Variants in EDN3 observed in about 807,000 individuals in gnomAD.
EDN3 encodes endothelin-3.
A neutral mutation model predicts 21.4 loss-of-function variants in EDN3; 9 were observed. The ratio of observed to expected loss-of-function variants is 0.42; its 90% CI spans 0.25 to 0.73. The LOEUF (loss-of-function observed/expected upper bound fraction) is 0.73. EDN3 is among the 30% of genes least tolerant of loss of function. The pLI is 0.26. For missense variants in EDN3, 327 were observed against 309.4 expected (o/e 1.06, Z -0.43); for synonymous variants, 133 against 126.2 (o/e 1.05, Z -0.36).
chr20:59,317,238 A>G (rs1351394119), intron 2 of EDN3, among the ~76,000 whole-genome samples: 2 of 152,216 alleles, frequency 1.3e-5, no homozygotes, highest in African/African-American at 4.8e-5. Context: ...TGAGCTGGTA[A>G]TCTGGCGTCA....
intron 2 of EDN3, among the ~76,000 whole-genome samples, chr20:59,310,394 G>A (rs1417856628): frequency 4.6e-5 from 7 of 152,210 alleles, no homozygotes; most frequent in Non-Finnish European, 1.0e-4. Flanking sequence ...AAATTGCAGA[G>A]CATGGCTGAG....
Position 59,300,699 on chromosome 20 carries a change from G to A in EDN3, c.-114G>A. The A allele has an allele frequency of 2.8e-6, 3 of 1,090,334 alleles. No individual in the cohort carries two copies. Among genetic ancestry groups the A allele is most frequent in the Non-Finnish European group, 4.0e-6 (3 of 753,732 alleles). The allele number at this position is 1,090,334 out of a possible 1,614,324, so 67.5% of individuals were successfully genotyped here. The stretch of plus-strand genomic sequence containing the variant: ...TGGAGACGCAGCGAGCGATCGGCCG[G>A]CCTCGAACCCCCACAGCTGGAGGGC... On this transcript the variant is annotated 5_prime_UTR_variant, in exon 1 of 5. Coordinates refer to ENST00000337938, the MANE Select transcript of EDN3 (RefSeq NM_207034.3).
chr20:59,300,732 G>GCTGTAC lies in EDN3; in HGVS notation c.-79_-74dup. ...CCCCCACAGCTGGAGGGCGAGGCCA[G>GCTGTAC]CTGTACCCGGCCCCAGTGCCCTTTC... On this transcript the variant is annotated 5_prime_UTR_variant, in exon 1 of 5. Transcript: ENST00000337938. The GCTGTAC allele has an allele frequency of 6.7e-7, 1 of 1,487,176 alleles. No individual in the cohort carries two copies. The highest frequency in any genetic ancestry group is 1.2e-5 in the South Asian group (1 of 83,950). The allele number at this position is 1,487,176 out of a possible 1,614,324, so 92.1% of individuals were successfully genotyped here. A position where few individuals can be genotyped will look rare whatever the true frequency, so the allele number is the denominator to read the frequency against.
Position 59,300,671 on chromosome 20 carries a change from A to G in EDN3, c.-142A>G, listed in dbSNP as rs1389397380. 5 of 778,106 alleles carry G rather than the reference A, an allele frequency of 6.4e-6. No homozygotes were observed. In the Admixed American group the frequency reaches 9.8e-5, roughly 15 times the overall value. 48.2% of individuals were successfully genotyped at this position (778,106 alleles called of 1,614,324 possible). On this transcript the variant is annotated 5_prime_UTR_variant, in exon 1 of 5. Coordinates refer to ENST00000337938, the MANE Select transcript of EDN3 (RefSeq NM_207034.3). ...ACCGCCGCAGCCAACTCCTGGCCGG[A>G]GCTGGAGACGCAGCGAGCGATCGGC... is the stretch of plus-strand genomic sequence containing the variant.
intron 2 of EDN3, among the ~76,000 whole-genome samples, chr20:59,312,798 G>C (rs1040976881): frequency 6.6e-6 from 1 of 152,192 alleles, no homozygotes; most frequent in African/African-American, 2.4e-5. Context: ...TCTGAGTGGA[G>C]TTTGGAGCCA....
rs574088990 is a variant in EDN3 at position 59,323,267 on chromosome 20, G to A, written c.588+850G>A. Among the ~76,000 whole-genome samples, 4 of 152,248 alleles carry A rather than the reference G, an allele frequency of 2.6e-5. No individual in the cohort carries two copies. The East Asian group carries it at 7.7e-4, about 29-fold the overall frequency. On this transcript the variant is annotated intron_variant, in intron 4 of 4. Coordinates refer to ENST00000337938, the MANE Select transcript of EDN3 (RefSeq NM_207034.3). ...GGCCGAGGCGGAAGAGACAGAGCCC[G>A]GGAGAGCATGAGTCAGACCCAGATG...
Position 59,300,893 on chromosome 20 carries a change from T to C in EDN3, c.52+29T>C, listed in dbSNP as rs764991283. The C allele has an allele frequency of 6.8e-6, 11 of 1,607,426 alleles. No homozygotes were observed. In the South Asian group the frequency reaches 8.8e-5, roughly 13 times the overall value. On this transcript the variant is annotated intron_variant, in intron 1 of 4. Coordinates refer to ENST00000337938, the MANE Select transcript of EDN3 (RefSeq NM_207034.3). The stretch of plus-strand genomic sequence containing the variant: ...AGCGCACGGGGCGGCGCGCCTCTCC[T>C]GGCGCGAGCGCACACAAAAGGACCC...
At chr20:59,315,138 G>A (rs1335993841) in intron 2 of EDN3, among the ~76,000 whole-genome samples, 1 of 152,238 alleles carries the variant, frequency 6.6e-6, no homozygotes, top group Non-Finnish European at 1.5e-5. Flanking sequence ...TCTAAGCTTG[G>A]GAGAGTTGAT....
At position 59,300,612 on chromosome 20, in the gene EDN3, C is replaced by T. The variant is rs1988921163; in HGVS notation, c.-201C>T. ...CCCGAGCCACAGCCGGCCAGCTCCG[C>T]GCAGGGATGGGCAGCGCGCTCTGAA... On this transcript the variant is annotated 5_prime_UTR_variant, in exon 1 of 5. Coordinates refer to ENST00000337938, the MANE Select transcript of EDN3 (RefSeq NM_207034.3). 4 of 599,564 alleles carry T rather than the reference C, an allele frequency of 6.7e-6. No homozygotes were observed. The South Asian group carries it at 8.0e-5, about 12-fold the overall frequency. 37.1% of individuals were successfully genotyped at this position (599,564 alleles called of 1,614,324 possible).
At position 59,305,802 on chromosome 20, in the gene EDN3, C is replaced by T. The variant is rs1419100803; in HGVS notation, c.365+4080C>T. On this transcript the variant is annotated intron_variant, in intron 2 of 4. Coordinates refer to ENST00000337938, the MANE Select transcript of EDN3 (RefSeq NM_207034.3). This position sits in a 1 kb window ranked among gnomAD's most constrained non-coding sequence, Gnocchi z 4.2. ...AAGGCCCTCAACAGATTGGATGAGG[C>T]CCACTACATTTTGGAGGGTCAGCTG... 6.6e-6 allele frequency among the ~76,000 whole-genome samples: 1 copy of T among 152,014 alleles called. No individual in the cohort carries two copies. Among genetic ancestry groups the T allele is most frequent in the East Asian group, 1.9e-4 (1 of 5,186 alleles).
At chr20:59,307,558 T>C (rs1568830355) in intron 2 of EDN3, among the ~76,000 whole-genome samples, 1 of 152,214 alleles carries the variant, frequency 6.6e-6, no homozygotes, top group Non-Finnish European at 1.5e-5. Context: ...CTTAGATGAC[T>C]CCTGCTTTCG....
At chr20:59,307,026 T>C (rs1989479651) in intron 2 of EDN3, among the ~76,000 whole-genome samples, 1 of 152,156 alleles carries the variant, frequency 6.6e-6, no homozygotes, top group Non-Finnish European at 1.5e-5. Context: ...GTGCCTGTAG[T>C]CCCAGCTACT....
At chr20:59,323,939 G>A (rs1017812813) in intron 4 of EDN3, among the ~76,000 whole-genome samples, 3 of 152,222 alleles carry the variant, frequency 2.0e-5, no homozygotes, top group African/African-American at 7.2e-5. Context: ...TAAAGCTCTA[G>A]TAAGAAGCTT....
intron 2 of EDN3, among the ~76,000 whole-genome samples, chr20:59,304,360 T>C (rs1989249818): frequency 6.6e-6 from 1 of 152,210 alleles, no homozygotes; most frequent in Non-Finnish European, 1.5e-5. Flanking sequence ...CTGTCACATG[T>C]TCCCCTCTCC....
At chr20:59,301,014 G>T in intron 1 of EDN3, 150 bp downstream of exon 1, 1 of 987,256 alleles carries the variant, frequency 1.0e-6, no homozygotes, top group South Asian at 1.6e-5. Flanking sequence ...GGGAGGGCTG[G>T]GGAGCAGAAG....
rs3026587 is a variant in EDN3, at chr20:59,317,021, G to A, written c.366-3996G>A. ...TAAAGGATTGTATTCTGAAAACCCC[G>A]TTGTATTATAGAGCGGTAGGCCCCA... On this transcript the variant is annotated intron_variant, in intron 2 of 4. Transcript: ENST00000337938. 4.1e-3 allele frequency among the ~76,000 whole-genome samples: 630 copies of A among 152,296 alleles called. 5 individuals carry two copies. Among genetic ancestry groups the A allele is most frequent in the African/African-American group, 0.014 (580 of 41,550 alleles).
chr20:59,301,574 G>A lies in EDN3; in HGVS notation c.217G>A (p.Gly73Ser), dbSNP rs868107957. Reference protein sequence around the residue: ...EGTVAPTALQGPSPGSPGQEQ... With the variant: ...EGTVAPTALQSPSPGSPGQEQ... ...GACTGTGGCCCCGACAGCACTGCAG[G>A]GTCCAAGCCCTGGAAGCCCTGGGCA... is the stretch of plus-strand genomic sequence containing the variant. The change falls in exon 2 of 5, where the codon GGT (glycine) becomes AGT (serine). Residue 73 changes from glycine (G) to serine (S), a missense_variant. Physicochemically the swap from Gly to Ser is moderately conservative, Grantham distance 56 (BLOSUM62 0). Transcript: ENST00000337938. 1 of 1,613,648 alleles carries A rather than the reference G, an allele frequency of 6.2e-7. No individual in the cohort carries two copies.
rs115103438 is a variant in EDN3 at position 59,307,455 on chromosome 20, C to T, written c.365+5733C>T. Among the ~76,000 whole-genome samples the T allele has an allele frequency of 9.9e-3, 1,500 of 152,270 alleles. 20 individuals carry two copies. Among genetic ancestry groups the T allele is most frequent in the African/African-American group, 0.035 (1,462 of 41,546 alleles). ...GAGCTTGTGAGTAGGGACTGGGCTG[C>T]CAGCCCAGAAGTTTGGCCCTGAAGC... is the stretch of plus-strand genomic sequence containing the variant. On this transcript the variant is annotated intron_variant, in intron 2 of 4. Transcript: ENST00000337938.
rs6026807 is a variant in EDN3, at chr20:59,319,259, G to A, written c.366-1758G>A. On this transcript the variant is annotated intron_variant, in intron 2 of 4. Coordinates refer to ENST00000337938, the MANE Select transcript of EDN3 (RefSeq NM_207034.3). ...AACGAACAGGGTGGGGTCAGTTTTAGGCTCTTGTGTTCAACCCAGCAGGGA... is the reference window on the plus strand; with the variant it reads ...AACGAACAGGGTGGGGTCAGTTTTAAGCTCTTGTGTTCAACCCAGCAGGGA... Among the ~76,000 whole-genome samples, 7 of 152,222 alleles carry A rather than the reference G, an allele frequency of 4.6e-5. No individual in the cohort carries two copies. The East Asian group carries it at 9.7e-4, about 21-fold the overall frequency.
Sources: gnomAD v4.1 joint callset for allele counts (sites outside exome capture counted in the v4.1 genomes callset) on GRCh38, gnomAD v4.1.1 for gene constraint, Gnocchi (gnomAD v3.1) non-coding constraint, MANE v1.5 for transcripts, NCBI Gene and HGNC (gene_info 2026-07-23, HGNC 2026-07-21) for gene names.